Variants in LARS2 observed in about 807,000 individuals in gnomAD.
The protein encoded by LARS2 is leucine--tRNA ligase, mitochondrial.
A neutral mutation model predicts 116.6 loss-of-function variants in LARS2; 81 were observed. The observed-to-expected ratio is 0.69, with a 90% confidence interval of 0.58 to 0.84. LARS2 has a LOEUF of 0.84. Ranked by LOEUF, LARS2 falls within the 40% of genes least tolerant of loss-of-function variation. LARS2 has a pLI of 0.00. For missense variants in LARS2, 968 were observed against 1,114.5 expected, an observed-to-expected ratio of 0.87 and a Z score of 1.87; for synonymous variants, 396 against 407.2, an observed-to-expected ratio of 0.97 and a Z score of 0.33.
intron 8 of LARS2, among the ~76,000 whole-genome samples, chr3:45,471,559 G>A (rs1043052490): frequency 5.9e-5 from 9 of 152,206 alleles, no homozygotes; most frequent in Non-Finnish European, 1.3e-4. Context: ...GAATACACTA[G>A]TGGCTCGGTA....
intron 15 of LARS2, among the ~76,000 whole-genome samples, chr3:45,510,407 C>G (rs1700270025): frequency 6.6e-6 from 1 of 151,930 alleles, no homozygotes; most frequent in African/African-American, 2.4e-5. Context: ...GAACAAGACC[C>G]TGTCTCAAAA....
intron 21 of LARS2, among the ~76,000 whole-genome samples, chr3:45,543,030 G>A (rs548577713): frequency 2.0e-4 from 30 of 152,380 alleles, no homozygotes; most frequent in African/African-American, 6.7e-4. Flanking sequence ...GCAGACCCAA[G>A]GCCCAGCAGG....
intron 9 of LARS2, among the ~76,000 whole-genome samples, chr3:45,475,116 C>T (rs866146335): frequency 2.2e-4 from 33 of 152,254 alleles, no homozygotes; most frequent in African/African-American, 7.9e-4. Flanking sequence ...GACTTTTCTG[C>T]TCTGTTCATT....
intron 10 of LARS2, among the ~76,000 whole-genome samples, chr3:45,482,519 T>C (rs1340034099): frequency 6.6e-6 from 1 of 152,228 alleles, no homozygotes; most frequent in Non-Finnish European, 1.5e-5. Context: ...CAAACATTAG[T>C]GTCACCTTGC....
intron 4 of LARS2, among the ~76,000 whole-genome samples, chr3:45,412,476 A>G (rs908766299): frequency 2.6e-5 from 4 of 152,232 alleles, no homozygotes; most frequent in African/African-American, 9.7e-5. Flanking sequence ...ACGAGTAGTG[A>G]CCAGGAGTTA....
chr3:45,531,571 A>G (rs1347949289), intron 20 of LARS2, among the ~76,000 whole-genome samples: 1 of 150,578 alleles, frequency 6.6e-6, no homozygotes, highest in East Asian at 2.0e-4. Context: ...TTTTATAGAG[A>G]TGGTGTCTCA....
chr3:45,529,535 G>T (rs1259230762), intron 20 of LARS2, among the ~76,000 whole-genome samples: 7 of 148,014 alleles, frequency 4.7e-5, no homozygotes, highest in African/African-American at 1.8e-4. Context: ...GGCAATGAGA[G>T]CGAAACTCCA....
At chr3:45,473,433 G>A (rs558309368) in intron 8 of LARS2, among the ~76,000 whole-genome samples, 13 of 151,616 alleles carry the variant, frequency 8.6e-5, no homozygotes, top group Admixed American at 7.2e-4. Flanking sequence ...CACCCAGGCT[G>A]CAGTACAGTG....
Position 45,547,614 on chromosome 3 carries a change from A to G in LARS2, c.*84A>G. The G allele has an allele frequency of 7.9e-7, 1 of 1,266,350 alleles. No individual in the cohort carries two copies. Among genetic ancestry groups the G allele is most frequent in the Non-Finnish European group, 1.1e-6 (1 of 906,202 alleles). The allele number at this position is 1,266,350 out of a possible 1,614,324, so 78.4% of individuals were successfully genotyped here. A position where few individuals can be genotyped will look rare whatever the true frequency, so the allele number is the denominator to read the frequency against. On this transcript the variant is annotated 3_prime_UTR_variant, in exon 22 of 22. Coordinates refer to ENST00000645846, the MANE Select transcript of LARS2 (RefSeq NM_015340.4). ...ATGAGGGGGCGATGTCTGCTGGCCC[A>G]GGGGAAGGGAAAAGACAAATGTCTT...
chr3:45,484,633 AT>A (rs1699769115), intron 10 of LARS2, among the ~76,000 whole-genome samples: 2 of 80,300 alleles, frequency 2.5e-5, no homozygotes, highest in Non-Finnish European at 5.2e-5. Flanking sequence ...AAAAAAAAAT[AT>A]ATATATATAT....
At chr3:45,429,405 T>C (rs990849345) in intron 6 of LARS2, among the ~76,000 whole-genome samples, 1 of 152,184 alleles carries the variant, frequency 6.6e-6, no homozygotes, top group Non-Finnish European at 1.5e-5. Context: ...CAGCCAGGGA[T>C]TGGTCTTTGC....
At chr3:45,466,688 G>A (rs948135708) in intron 8 of LARS2, among the ~76,000 whole-genome samples, 1 of 151,864 alleles carries the variant, frequency 6.6e-6, no homozygotes, top group Non-Finnish European at 1.5e-5. Flanking sequence ...AACCCAACTT[G>A]GGTCTCCTCA....
At chr3:45,532,493 AAAAAAAATCTATTTGC>A (rs1267578777) in intron 20 of LARS2, among the ~76,000 whole-genome samples, 3 of 151,778 alleles carry the variant, frequency 2.0e-5, no homozygotes, top group Non-Finnish European at 4.4e-5. Flanking sequence ...TCTGTTTGGG[AAAAAAAATCTATTTGC>A]AAAAAAATCT....
chr3:45,518,996 A>G (rs1262141436), intron 18 of LARS2, among the ~76,000 whole-genome samples: 1 of 152,194 alleles, frequency 6.6e-6, no homozygotes, highest in Non-Finnish European at 1.5e-5. Flanking sequence ...AGTTCATACC[A>G]CATATTTTCT....
intron 14 of LARS2, among the ~76,000 whole-genome samples, chr3:45,496,639 G>A (rs1456467616): frequency 1.3e-5 from 2 of 152,226 alleles, no homozygotes; most frequent in Non-Finnish European, 2.9e-5. Flanking sequence ...GACCTGGCCA[G>A]TGGGAAGGCC....
chr3:45,513,235 G>A lies in LARS2; in HGVS notation c.1861G>A (p.Gly621Ser), dbSNP rs780648419. The stretch of plus-strand genomic sequence containing the variant: ...ACAGAGAGAGGAAGTGGATCTCACA[G>A]GTAAGAATGGCCCATCTGGTCCCAT... Reference protein sequence around the residue: ...YLQREEVDLTGSVPVHAKTKE... With the variant: ...YLQREEVDLTSSVPVHAKTKE... Residue 621 changes from glycine to serine, a missense_variant and splice_region_variant, in exon 16 of 22, where the codon GGT becomes AGT. Transcript: ENST00000645846. 1 of 1,587,340 alleles carries A rather than the reference G, an allele frequency of 6.3e-7. No homozygotes were observed.
chr3:45,446,925 G>A lies in LARS2; in HGVS notation c.551G>A (p.Trp184Ter), dbSNP rs1559472174. Residue 184 changes from tryptophan (W) to a stop codon, truncating the protein, a stop_gained, in exon 7 of 22, where the codon TGG becomes TAG. Transcript: ENST00000645846. LOFTEE classifies it high-confidence loss of function. ...ACGTGTTTGCCAGATTACTACAAGT[G>A]GACTCAGTATCTCTTTATTAAACTG... ...ITTCLPDYYK[W>*]TQYLFIKLYE... The A allele has an allele frequency of 1.2e-6, 2 of 1,611,532 alleles. No homozygotes were observed. Among genetic ancestry groups the A allele is most frequent in the Non-Finnish European group, 1.7e-6 (2 of 1,178,250 alleles).
chr3:45,497,315 C>G (rs1700030574), intron 14 of LARS2, among the ~76,000 whole-genome samples: 1 of 149,976 alleles, frequency 6.7e-6, no homozygotes. Context: ...AAAAAAGAAA[C>G]AAATTAAGGA....
At chr3:45,544,204 GCCCA>G (rs1404506249) in intron 21 of LARS2, among the ~76,000 whole-genome samples, 1 of 152,212 alleles carries the variant, frequency 6.6e-6, no homozygotes, top group African/African-American at 2.4e-5. Context: ...GCTGGGCTCT[GCCCA>G]CACCAGGGAT....
Sources: gnomAD v4.1 joint callset for allele counts (sites outside exome capture counted in the v4.1 genomes callset) on GRCh38, gnomAD v4.1.1 for gene constraint, MANE v1.5 for transcripts, NCBI Gene and HGNC (gene_info 2026-07-23, HGNC 2026-07-21) for gene names.